LRCH2: variants seen among roughly 807,000 people sequenced by gnomAD.
LRCH2 encodes the protein leucine-rich repeat and calponin homology domain-containing protein 2.
Under a neutral mutation model 68.9 loss-of-function variants are expected in LRCH2, and 38 were observed. The observed-to-expected ratio is 0.55, with a 90% CI of 0.43 to 0.72. LRCH2 has a LOEUF of 0.72. LRCH2 is among the 30% of genes least tolerant of loss of function. LRCH2 has a pLI of 0.00. For missense variants in LRCH2, 528 were observed against 572.9 expected (o/e 0.92, Z 0.80); for synonymous variants, 191 against 208.1 (o/e 0.92, Z 0.71).
At chrX:115,172,402 C>T (rs1398825035) in intron 5 of LRCH2, among the ~76,000 whole-genome samples, 1 of 111,972 alleles carries the variant, frequency 8.9e-6, no homozygotes, top group Non-Finnish European at 1.9e-5. Context: ...ACAGGGTTAA[C>T]ATAAGAATTA....
At chrX:115,225,993 CAG>C (rs1469739178) in intron 1 of LRCH2, among the ~76,000 whole-genome samples, 8 of 111,976 alleles carry the variant, frequency 7.1e-5, no homozygotes, top group Non-Finnish European at 1.5e-4. Flanking sequence ...TCAATGGAAA[CAG>C]AAATGATAAA....
intron 14 of LRCH2, among the ~76,000 whole-genome samples, chrX:115,146,837 C>T (rs2072386695): frequency 9.6e-6 from 1 of 103,874 alleles, no homozygotes; most frequent in Non-Finnish European, 2.0e-5. Flanking sequence ...AGGGACTTAC[C>T]TGAAAAAAAT....
intron 1 of LRCH2, among the ~76,000 whole-genome samples, chrX:115,205,249 G>A (rs1283504112): frequency 3.6e-5 from 4 of 111,892 alleles, no homozygotes; most frequent in Non-Finnish European, 7.5e-5. Context: ...GACACATAGT[G>A]GTTACAATTC....
chrX:115,189,597 G>A (rs1556556193), intron 1 of LRCH2: 3 of 1,170,351 alleles, frequency 2.6e-6, no homozygotes, highest in Middle Eastern at 2.3e-4. Context: ...GGGGCTTCGC[G>A]TTCGTCACCT....
At chrX:115,215,029 T>A (rs1432736497) in intron 1 of LRCH2, among the ~76,000 whole-genome samples, 1 of 112,558 alleles carries the variant, frequency 8.9e-6, no homozygotes, top group Non-Finnish European at 1.9e-5. Flanking sequence ...TATAAATTTG[T>A]CATTTCAAAT....
chrX:115,132,062 T>C (rs1453626640), intron 14 of LRCH2, among the ~76,000 whole-genome samples: 1 of 111,839 alleles, frequency 8.9e-6, no homozygotes, highest in Non-Finnish European at 1.9e-5. Flanking sequence ...CGGTAGTTTT[T>C]TTGGCTGTGC....
chrX:115,178,543 T>G (rs2072668241), intron 5 of LRCH2, among the ~76,000 whole-genome samples: 1 of 111,474 alleles, frequency 9.0e-6, no homozygotes, highest in South Asian at 3.8e-4. Context: ...ACATGTTTCC[T>G]CCAATACTCA....
intron 17 of LRCH2, 54 bp downstream of exon 17, chrX:115,123,891 G>A: frequency 1.3e-6 from 1 of 779,346 alleles, no homozygotes; most frequent in African/African-American, 2.1e-5. Flanking sequence ...ATTTAAGCTG[G>A]GAAACTAGTT....
intron 14 of LRCH2, among the ~76,000 whole-genome samples, chrX:115,137,291 GC>G (rs1178275907): frequency 9.1e-6 from 1 of 110,441 alleles, no homozygotes; most frequent in Non-Finnish European, 1.9e-5. Context: ...ATATATTAGG[GC>G]TGATAACCAA....
chrX:115,140,208 C>T (rs1280578026), intron 14 of LRCH2, among the ~76,000 whole-genome samples: 1 of 111,291 alleles, frequency 9.0e-6, no homozygotes, highest in African/African-American at 3.3e-5. Context: ...TTGTGAGACC[C>T]CCATTCCAGG....
At chrX:115,214,473 A>G (rs1415413481) in intron 1 of LRCH2, among the ~76,000 whole-genome samples, 4 of 112,277 alleles carry the variant, frequency 3.6e-5, no homozygotes, top group African/African-American at 1.3e-4. Flanking sequence ...TGAACAGTCT[A>G]TAACACTGAG....
At chrX:115,122,952 T>A in intron 18 of LRCH2, 55 bp from the exon 19 acceptor site, 2 of 1,097,452 alleles carry the variant, frequency 1.8e-6, no homozygotes, top group South Asian at 2.0e-5. Flanking sequence ...ATGTTAAATG[T>A]TTATATTACT....
At chrX:115,196,473 G>C (rs1261254902) in intron 1 of LRCH2, among the ~76,000 whole-genome samples, 1 of 111,121 alleles carries the variant, frequency 9.0e-6, no homozygotes, top group African/African-American at 3.3e-5. Flanking sequence ...GCCCAGTCTG[G>C]ATCCACCCAG....
At position 115,113,425 on chromosome X, in the gene LRCH2, T is replaced by C. The variant is rs1320573495; in HGVS notation, c.2179-90A>G. On this transcript the variant is annotated intron_variant, in intron 20 of 20. Coordinates refer to ENST00000317135, the MANE Select transcript of LRCH2 (RefSeq NM_020871.4). ...TTTGATTTTAAAAACATGATTTCTA[T>C]AAAATGTCAAGAAAACTACATAATT... 13 of 747,543 alleles carry C rather than the reference T, an allele frequency of 1.7e-5. No homozygotes were observed. The East Asian group carries it at 3.7e-4, about 21-fold the overall frequency. 61.6% of individuals were successfully genotyped at this position (747,543 alleles called of 1,213,427 possible). A position where few individuals can be genotyped will look rare whatever the true frequency, so the allele number is the denominator to read the frequency against.
At chrX:115,143,901 G>A (rs1222843859) in intron 14 of LRCH2, among the ~76,000 whole-genome samples, 1 of 111,671 alleles carries the variant, frequency 9.0e-6, no homozygotes, top group Non-Finnish European at 1.9e-5. Flanking sequence ...TCCAATTGAT[G>A]CCGGACAAGC....
rs1556522753 is a variant in LRCH2 at position 115,111,554 on chromosome X, T to C, written c.*1662A>G. The C allele has an allele frequency of 9.0e-6, 1 of 111,054 alleles. No homozygotes were observed. The highest frequency in any genetic ancestry group is 1.9e-5 in the Non-Finnish European group (1 of 52,931). 9.2% of individuals were successfully genotyped at this position (111,054 alleles called of 1,213,427 possible). A position where few individuals can be genotyped will look rare whatever the true frequency, so the allele number is the denominator to read the frequency against. On this transcript the variant is annotated 3_prime_UTR_variant, in exon 21 of 21. Transcript: ENST00000317135. ...TAGGGAGATTATGTCAGCGAGTTTT[T>C]TTTTTATCCAACTAAAAAATTAACA...
At chrX:115,118,329 AG>A (rs1209762338) in intron 20 of LRCH2, among the ~76,000 whole-genome samples, 14 of 111,071 alleles carry the variant, frequency 1.3e-4, no homozygotes, top group African/African-American at 4.3e-4. Flanking sequence ...AAAATGATAA[AG>A]GGGACATCAC....
chrX:115,118,117 G>A (rs1468031369), intron 20 of LRCH2, among the ~76,000 whole-genome samples: 1 of 110,210 alleles, frequency 9.1e-6, no homozygotes, highest in East Asian at 2.9e-4. Context: ...AGTTATTTGT[G>A]AAATGGAAGT....
At chrX:115,224,221 G>C (rs1603105693) in intron 1 of LRCH2, among the ~76,000 whole-genome samples, 1 of 111,483 alleles carries the variant, frequency 9.0e-6, no homozygotes, top group Non-Finnish European at 1.9e-5. Flanking sequence ...GGTTGGGGAG[G>C]AGGCAGGGAG....
Sources: gnomAD v4.1 joint callset for allele counts (sites outside exome capture counted in the v4.1 genomes callset) on GRCh38, gnomAD v4.1.1 for gene constraint, MANE v1.5 for transcripts, NCBI Gene and HGNC (gene_info 2026-07-23, HGNC 2026-07-21) for gene names.